The following WDR35 variants were observed in gnomAD, a reference collection of about 807,000 sequenced individuals.
WDR35 encodes WD repeat domain 35, also known as WD repeat-containing protein 35.
In WDR35, 118 loss-of-function variants were observed where a neutral mutation model predicts 158.3. The ratio of observed to expected loss-of-function variants is 0.75; its 90% CI spans 0.64 to 0.87. WDR35 has a LOEUF of 0.87. WDR35 is among the 40% of genes least tolerant of loss of function. The pLI is 0.00. For missense variants in WDR35, 1,263 were observed against 1,405.8 expected (o/e 0.90, Z 1.62); for synonymous variants, 448 against 476.1 (o/e 0.94, Z 0.77).
chr2:19,933,906 A>G (rs1259569992), intron 21 of WDR35, among the ~76,000 whole-genome samples: 1 of 152,190 alleles, frequency 6.6e-6, no homozygotes, highest in African/African-American at 2.4e-5. Flanking sequence ...GAAATCTCAC[A>G]TTCACAGAGC....
At chr2:19,939,278 T>A (rs571700538) in intron 17 of WDR35, among the ~76,000 whole-genome samples, 1 of 152,204 alleles carries the variant, frequency 6.6e-6, no homozygotes, top group East Asian at 1.9e-4. Flanking sequence ...CAAGACGAAA[T>A]TTAAATGTTC....
At chr2:19,931,119 ATCAG>A (rs1670510803) in intron 24 of WDR35, 146 bp downstream of exon 24, 2 of 943,622 alleles carry the variant, frequency 2.1e-6, no homozygotes, top group South Asian at 3.7e-5. Context: ...CTAATTCTAA[ATCAG>A]TCATTCTTTT....
chr2:19,973,793 T>C (rs1672105856), intron 7 of WDR35, 85 bp from the exon 8 acceptor site: 1 of 1,521,926 alleles, frequency 6.6e-7, no homozygotes, highest in South Asian at 1.2e-5. Context: ...CTTTTAAACA[T>C]TTTTAAAACT....
intron 10 of WDR35, among the ~76,000 whole-genome samples, chr2:19,963,437 T>G (rs1671733643): frequency 6.6e-6 from 1 of 152,180 alleles, no homozygotes; most frequent in Non-Finnish European, 1.5e-5. Flanking sequence ...TATCCCTGAA[T>G]TATGTATATC....
intron 8 of WDR35, among the ~76,000 whole-genome samples, chr2:19,972,087 C>A (rs1326726453): frequency 6.6e-6 from 1 of 152,160 alleles, no homozygotes; most frequent in African/African-American, 2.4e-5. Flanking sequence ...AACCCAGGAG[C>A]CCCTGGCCCT....
intron 10 of WDR35, among the ~76,000 whole-genome samples, chr2:19,964,565 G>A (rs904370495): frequency 1.5e-4 from 23 of 151,560 alleles, no homozygotes; most frequent in African/African-American, 5.1e-4. Flanking sequence ...TTCTATTTTA[G>A]TAGAGACAGG....
chr2:19,949,834 G>C (rs1016443270), intron 13 of WDR35, among the ~76,000 whole-genome samples: 5 of 152,170 alleles, frequency 3.3e-5, no homozygotes, highest in Non-Finnish European at 7.3e-5. Context: ...TGGAAAGCAA[G>C]AGAAAATGAG....
At chr2:19,986,035 C>T (rs1028652600) in intron 2 of WDR35, among the ~76,000 whole-genome samples, 6 of 151,538 alleles carry the variant, frequency 4.0e-5, no homozygotes, top group Admixed American at 2.0e-4. Flanking sequence ...GTAGCTGGAG[C>T]TATAGAGGGA....
Position 19,974,605 on chromosome 2 carries a change from T to G in WDR35, c.599A>C (p.Asn200Thr), listed in dbSNP as rs1289898505. 1.2e-6 allele frequency: 2 copies of G among 1,613,806 alleles called. No homozygotes were observed. The highest frequency in any genetic ancestry group is 1.7e-6 in the Non-Finnish European group (2 of 1,179,848). The change falls in exon 7 of 27, where the codon AAT becomes ACT. Residue 200 changes from asparagine to threonine, a missense_variant. Transcript: ENST00000281405. ...AGCAATGCTGATAGCTCCAGTGACA[T>G]TCACCAAACAACTCAGTTTCATTTT... is the stretch of plus-strand genomic sequence containing the variant. ...MIKMKLSCLV[N>T]VTGAISIAGI...
chr2:19,974,610 C>T lies in WDR35; in HGVS notation c.594G>A (p.Leu198=), dbSNP rs773086213. 6.2e-7 allele frequency: 1 copy of T among 1,613,472 alleles called. No individual in the cohort carries two copies. Among genetic ancestry groups the T allele is most frequent in the African/African-American group, 1.3e-5 (1 of 74,882 alleles). ...TGCTGATAGCTCCAGTGACATTCACCAAACAACTCAGTTTCATTTTTATCT... is the reference window on the plus strand; with the variant it reads ...TGCTGATAGCTCCAGTGACATTCACTAAACAACTCAGTTTCATTTTTATCT... ...NFMIKMKLSC[L]VNVTGAISIA... The change falls in exon 7 of 27, where the codon TTG becomes TTA. Residue 198 remains leucine, a synonymous_variant. Transcript: ENST00000281405.
chr2:19,978,740 C>A lies in WDR35; in HGVS notation c.436+11G>T. On this transcript the variant is annotated intron_variant, in intron 5 of 26. Transcript: ENST00000281405. ...TATTGATCTTAGTTCTATGTCCAAT[C>A]AATACATTACCATCCACTGAACCAA... 2.5e-6 allele frequency: 4 copies of A among 1,613,624 alleles called. No individual in the cohort carries two copies. The highest frequency in any genetic ancestry group is 3.4e-6 in the Non-Finnish European group (4 of 1,179,742).
At chr2:19,981,407 A>G (rs1672378774) in intron 3 of WDR35, among the ~76,000 whole-genome samples, 1 of 152,248 alleles carries the variant, frequency 6.6e-6, no homozygotes, top group South Asian at 2.1e-4. Flanking sequence ...CAGTCCATAT[A>G]CAAATTTTAC....
chr2:19,915,426 T>C, intron 25 of WDR35, among the ~76,000 whole-genome samples: 1 of 148,148 alleles, frequency 6.8e-6, no homozygotes, highest in Non-Finnish European at 1.5e-5. Flanking sequence ...TCAGATCGTC[T>C]TACCACTGAC....
chr2:19,942,623 T>C (rs1180688796), intron 16 of WDR35, among the ~76,000 whole-genome samples: 2 of 147,480 alleles, frequency 1.4e-5, no homozygotes, highest in African/African-American at 2.5e-5. Flanking sequence ...AGTTGATCCA[T>C]GAAAAAAAAA....
rs753579735 is a variant in WDR35 at position 19,932,410 on chromosome 2, A to T, written c.2696T>A (p.Met899Lys). 1 of 1,613,330 alleles carries T rather than the reference A, an allele frequency of 6.2e-7. No homozygotes were observed. Among genetic ancestry groups the T allele is most frequent in the Non-Finnish European group, 8.5e-7 (1 of 1,179,540 alleles). ...AGCTAACAGAGATCCAATTTCTTTC[A>T]TACTATGATTTTTAGCCAATTCAAC... Reference protein sequence around the residue: ...KAVELAKNHSMKEIGSLLARY... With the variant: ...KAVELAKNHSKKEIGSLLARY... Residue 899 changes from methionine (M) to lysine (K), a missense_variant, in exon 23 of 27, where the codon ATG (methionine) becomes AAG (lysine). Transcript: ENST00000281405.
chr2:19,967,231 G>A (rs1265124190), intron 9 of WDR35, among the ~76,000 whole-genome samples: 1 of 152,158 alleles, frequency 6.6e-6, no homozygotes, highest in East Asian at 1.9e-4. Context: ...AACAGGTAGC[G>A]TGATCCCTGT....
intron 25 of WDR35, among the ~76,000 whole-genome samples, chr2:19,923,562 C>T (rs1181472275): frequency 2.0e-5 from 3 of 152,154 alleles, no homozygotes; most frequent in Non-Finnish European, 4.4e-5. Flanking sequence ...GAGGTTCATC[C>T]CTATCCTTCT....
intron 15 of WDR35, 150 bp downstream of exon 15, chr2:19,946,311 C>G: frequency 1.3e-6 from 1 of 760,976 alleles, no homozygotes; most frequent in Non-Finnish European, 2.2e-6. Context: ...AACATTTAAA[C>G]CAAATGCAGT....
chr2:19,948,594 G>A (rs1671133719), intron 13 of WDR35, among the ~76,000 whole-genome samples: 1 of 152,078 alleles, frequency 6.6e-6, no homozygotes, highest in African/African-American at 2.4e-5. Context: ...AGAAGGGCCA[G>A]CACATACTAA....
Sources: gnomAD v4.1 joint callset for allele counts (sites outside exome capture counted in the v4.1 genomes callset) on GRCh38, gnomAD v4.1.1 for gene constraint, MANE v1.5 for transcripts, NCBI Gene and HGNC (gene_info 2026-07-23, HGNC 2026-07-21) for gene names.